KL: variants seen among roughly 807,000 people sequenced by gnomAD.
KL encodes klotho.
Under a neutral mutation model 84.2 loss-of-function variants are expected in KL, and 62 were observed. That is an observed-to-expected ratio of 0.74 (90% CI 0.60 to 0.91). The LOEUF is 0.91. KL is among the 40% of genes least tolerant of loss of function. The pLI, the probability that KL is intolerant of heterozygous loss-of-function variation, is 0.00. For missense variants in KL, 1,261 were observed against 1,305.7 expected (o/e 0.97, Z 0.53); for synonymous variants, 528 against 528.0 (o/e 1.00, Z 0.00).
intron 1 of KL, among the ~76,000 whole-genome samples, chr13:33,024,955 CCTAT>C (rs1369571101): frequency 6.6e-5 from 10 of 152,086 alleles, no homozygotes; most frequent in Non-Finnish European, 1.5e-4. Flanking sequence ...TCAGTTTTCT[CCTAT>C]CTATCTGGCA....
intron 1 of KL, among the ~76,000 whole-genome samples, chr13:33,030,756 A>C (rs942290550): frequency 3.9e-5 from 6 of 152,236 alleles, no homozygotes; most frequent in Admixed American, 2.0e-4. Context: ...AACCAGGGAA[A>C]ATAAATTATG....
chr13:33,052,133 T>G (rs1440447200), intron 1 of KL, among the ~76,000 whole-genome samples: 1 of 152,150 alleles, frequency 6.6e-6, no homozygotes, highest in Non-Finnish European at 1.5e-5. Flanking sequence ...AGTTTTGGAT[T>G]TTTTGGTAGA....
intron 1 of KL, among the ~76,000 whole-genome samples, chr13:33,050,255 GACA>G (rs1462252936): frequency 6.6e-6 from 1 of 152,166 alleles, no homozygotes; most frequent in African/African-American, 2.4e-5. Flanking sequence ...CCAATCTTAA[GACA>G]ACAAGCCTAT....
intron 1 of KL, among the ~76,000 whole-genome samples, chr13:33,021,978 T>A (rs945656486): frequency 2.6e-5 from 4 of 152,236 alleles, no homozygotes; most frequent in Admixed American, 2.0e-4. Flanking sequence ...GTGCATTTAG[T>A]CAGAAATAGT....
intron 1 of KL, among the ~76,000 whole-genome samples, chr13:33,021,162 T>G (rs942097404): frequency 5.3e-5 from 8 of 152,234 alleles, no homozygotes; most frequent in African/African-American, 1.9e-4. Context: ...ATAGCCTGAT[T>G]TCACCTTTAT....
chr13:33,055,253 C>T lies in KL; in HGVS notation c.1537C>T (p.Gln513Ter). ...KNGFPPLPEN[Q>*]PLEGTFPCDF... The stretch of plus-strand genomic sequence containing the variant: ...TGGCTTCCCTCCTTTACCTGAAAAT[C>T]AGCCCCTAGAAGGGACATTTCCCTG... Residue 513 changes from glutamine (Q) to a stop codon, truncating the protein, a stop_gained, in exon 3 of 5, where the codon CAG (glutamine) becomes TAG (stop). Coordinates refer to ENST00000380099, the MANE Select transcript of KL (RefSeq NM_004795.4). LOFTEE classifies it high-confidence loss of function. 1 of 1,614,190 alleles carries T rather than the reference C, an allele frequency of 6.2e-7. No homozygotes were observed. Among genetic ancestry groups the T allele is most frequent in the South Asian group, 1.1e-5 (1 of 91,086 alleles).
intron 1 of KL, among the ~76,000 whole-genome samples, chr13:33,036,472 T>A (rs1871150612): frequency 6.6e-6 from 1 of 151,770 alleles, no homozygotes; most frequent in African/African-American, 2.4e-5. Flanking sequence ...TGGGTCAGTT[T>A]GGCTTTTATC....
chr13:33,061,866 A>T (rs1226516782), intron 4 of KL, 86 bp downstream of exon 4: 1 of 1,356,384 alleles, frequency 7.4e-7, no homozygotes, highest in East Asian at 2.3e-5. Context: ...ATCAACACAC[A>T]CTGCCACCCT....
rs749236219 is a variant in KL at position 33,053,873 on chromosome 13, C to T, written c.926C>T (p.Thr309Ile). The change falls in exon 2 of 5, where the codon ACC becomes ATC. Residue 309 changes from threonine (T) to isoleucine (I), a missense_variant. Thr to Ile is a moderately conservative substitution (Grantham distance 89). Coordinates refer to ENST00000380099, the MANE Select transcript of KL (RefSeq NM_004795.4). ...SSHWINPRRM[T>I]DHSIKECQKS... The stretch of plus-strand genomic sequence containing the variant: ...CACTGGATCAATCCTCGAAGAATGA[C>T]CGACCACAGCATCAAAGAATGTCAA... 3 of 1,614,142 alleles carry T rather than the reference C, an allele frequency of 1.9e-6. No individual in the cohort carries two copies. Among genetic ancestry groups the T allele is most frequent in the Admixed American group, 3.3e-5 (2 of 60,020 alleles).
At position 33,064,339 on chromosome 13, in the gene KL, G is replaced by A. The variant is rs1872327056; in HGVS notation, c.*153G>A. 3 of 614,658 alleles carry A rather than the reference G, an allele frequency of 4.9e-6. No individual in the cohort carries two copies. Among genetic ancestry groups the A allele is most frequent in the South Asian group, 2.0e-5 (1 of 49,106 alleles). The allele number at this position is 614,658 out of a possible 1,614,324, so 38.1% of individuals were successfully genotyped here. On this transcript the variant is annotated 3_prime_UTR_variant, in exon 5 of 5. Coordinates refer to ENST00000380099, the MANE Select transcript of KL (RefSeq NM_004795.4). ...TGGCTTATGACAGAGGTTTTGAAAT[G>A]GGCATAGGTGATCGTAAAATATTGA...
At chr13:33,024,773 G>A (rs1245157108) in intron 1 of KL, among the ~76,000 whole-genome samples, 1 of 152,094 alleles carries the variant, frequency 6.6e-6, no homozygotes, top group African/African-American at 2.4e-5. Context: ...AGAGACCTGT[G>A]TCCCCTTGTT....
chr13:33,036,547 T>A (rs984681589), intron 1 of KL, among the ~76,000 whole-genome samples: 2 of 152,134 alleles, frequency 1.3e-5, no homozygotes, highest in Admixed American at 1.3e-4. Flanking sequence ...TATAGGACAG[T>A]CACATGTCTC....
At chr13:33,055,001 G>A (rs1462869723) in intron 2 of KL, 46 bp from the exon 3 acceptor site, 2 of 1,613,410 alleles carry the variant, frequency 1.2e-6, no homozygotes, top group African/African-American at 1.3e-5. Flanking sequence ...TGATGCAAGT[G>A]CCCAGCGAAG....
At position 33,023,125 on chromosome 13, in the gene KL, T is replaced by G. The variant is rs148162912; in HGVS notation, c.819+5866T>G. Among the ~76,000 whole-genome samples the G allele has an allele frequency of 5.2e-3, 793 of 152,302 alleles. 5 individuals carry two copies. Among genetic ancestry groups the G allele is most frequent in the Non-Finnish European group, 8.7e-3 (592 of 68,024 alleles). ...CCTATCACTGTCCCTTGGGCAGAAC[T>G]CAGTCACATGGTCAAAAGGAGTCTG... On this transcript the variant is annotated intron_variant, in intron 1 of 4. Transcript: ENST00000380099.
Position 33,016,798 on chromosome 13 carries a change from G to A in KL, c.358G>A (p.Ala120Thr), listed in dbSNP as rs1181499826. 1.9e-6 allele frequency: 3 copies of A among 1,612,202 alleles called. No individual in the cohort carries two copies. The highest frequency in any genetic ancestry group is 2.2e-5 in the East Asian group (1 of 44,844). The change falls in exon 1 of 5, where the codon GCC becomes ACC. Residue 120 changes from alanine (A) to threonine (T), a missense_variant. Transcript: ENST00000380099. Reference sequence around the variant, plus strand: ...GGGCGCCCCGTCGCCGCTGCAGCCCGCCACCGGGGACGTAGCCAGCGACAG... The same window carrying A: ...GGGCGCCCCGTCGCCGCTGCAGCCCACCACCGGGGACGTAGCCAGCGACAG... ...PLGAPSPLQP[A>T]TGDVASDSYN...
chr13:33,045,271 A>G (rs1318253322), intron 1 of KL, among the ~76,000 whole-genome samples: 1 of 152,158 alleles, frequency 6.6e-6, no homozygotes, highest in East Asian at 1.9e-4. Flanking sequence ...GATTTTCCAT[A>G]TGTAGAATCA....
chr13:33,031,061 A>G (rs2138201070), intron 1 of KL, among the ~76,000 whole-genome samples: 1 of 152,322 alleles, frequency 6.6e-6, no homozygotes, highest in Non-Finnish European at 1.5e-5. Flanking sequence ...ATATAATAAA[A>G]TGCCCCAGAA....
At chr13:33,032,114 G>T (rs1277806193) in intron 1 of KL, among the ~76,000 whole-genome samples, 2 of 152,150 alleles carry the variant, frequency 1.3e-5, no homozygotes, top group Non-Finnish European at 2.9e-5. Flanking sequence ...GCTAGCAAAT[G>T]CCTAGACCAT....
chr13:33,035,725 AT>A (rs1871128283), intron 1 of KL, among the ~76,000 whole-genome samples: 1 of 152,224 alleles, frequency 6.6e-6, no homozygotes, highest in Non-Finnish European at 1.5e-5. Context: ...TCTGTGATTA[AT>A]GGGTTAGATG....
Sources: allele counts gnomAD v4.1 joint callset (sites outside exome capture counted in the v4.1 genomes callset), GRCh38; gene constraint gnomAD v4.1.1; transcripts MANE v1.5; gene names NCBI Gene and HGNC (gene_info 2026-07-23, HGNC 2026-07-21).